Variants in DOCK4 observed in about 807,000 individuals in gnomAD.
The protein encoded by DOCK4 is dedicator of cytokinesis protein 4.
In DOCK4, 97 loss-of-function variants were observed where a neutral mutation model predicts 268.1. The observed-to-expected ratio is 0.36, with a 90% confidence interval of 0.31 to 0.43. DOCK4 has a LOEUF of 0.43. DOCK4 is among the 20% of genes least tolerant of loss of function. The pLI, the probability that DOCK4 is intolerant of heterozygous loss-of-function variation, is 1.00. For synonymous variants in DOCK4, 954 were observed against 887.2 expected (o/e 1.08, Z -1.34); for missense variants, 2,145 against 2,455.7 (o/e 0.87, Z 2.67).
At chr7:111,977,424 C>T in intron 7 of DOCK4, 141 bp from the exon 8 acceptor site, 1 of 848,354 alleles carries the variant, frequency 1.2e-6, no homozygotes. Flanking sequence ...TATCTAAATC[C>T]ACAGCAAAAT....
In DOCK4 at chr7:112,063,654, G is replaced by A. The variant is rs556747616; in HGVS notation, c.38-59523C>T. 2.1e-4 allele frequency among the ~76,000 whole-genome samples: 32 copies of A among 152,204 alleles called. 1 individual carries two copies. Among genetic ancestry groups the A allele is most frequent in the Admixed American group, 1.8e-3 (28 of 15,290 alleles). On this transcript the variant is annotated intron_variant, in intron 1 of 52. Coordinates refer to ENST00000428084, the MANE Select transcript of DOCK4 (RefSeq NM_001363540.2). Reference sequence around the variant, plus strand: ...CATAAAGTCGAAAAATTGTTAAGTCGGGACTCTGTACAATCATAAGAAAAA... The same window carrying A: ...CATAAAGTCGAAAAATTGTTAAGTCAGGACTCTGTACAATCATAAGAAAAA...
intron 47 of DOCK4, chr7:111,740,107 C>CT (rs1795800010): frequency 2.3e-6 from 1 of 442,324 alleles, no homozygotes; most frequent in Non-Finnish European, 4.5e-6. Flanking sequence ...GTCTTTTTTT[C>CT]TTTTTTCTTT....
At chr7:111,931,838 G>C (rs755972456) in intron 12 of DOCK4, among the ~76,000 whole-genome samples, 3 of 152,144 alleles carry the variant, frequency 2.0e-5, no homozygotes, top group Admixed American at 6.5e-5. Context: ...TGTGGTAAGT[G>C]CTTTGCATAC....
chr7:112,134,417 C>T (rs1814115513), intron 1 of DOCK4, among the ~76,000 whole-genome samples: 1 of 151,820 alleles, frequency 6.6e-6, no homozygotes, highest in African/African-American at 2.4e-5. Flanking sequence ...CTTTAAATAA[C>T]TCTAAAAGTG....
chr7:111,954,763 C>A (rs1796327270), intron 8 of DOCK4, among the ~76,000 whole-genome samples: 1 of 152,124 alleles, frequency 6.6e-6, no homozygotes, highest in South Asian at 2.1e-4. Context: ...AGGCCTCGGC[C>A]TGTCTGCACC....
chr7:112,006,262 T>G (rs1380694279), intron 1 of DOCK4, among the ~76,000 whole-genome samples: 1 of 152,076 alleles, frequency 6.6e-6, no homozygotes, highest in African/African-American at 2.4e-5. Context: ...TGTGGCTGGG[T>G]GTAAATAATC....
chr7:112,170,912 A>G (rs1818032793), intron 1 of DOCK4, among the ~76,000 whole-genome samples: 1 of 152,216 alleles, frequency 6.6e-6, no homozygotes. Context: ...TCCCAGTCAG[A>G]CCTTATAACC....
At chr7:111,811,841 C>T (rs1801158400) in intron 28 of DOCK4, 33 bp downstream of exon 28, 8 of 1,262,642 alleles carry the variant, frequency 6.3e-6, no homozygotes, top group Non-Finnish European at 8.9e-6. Flanking sequence ...TTCTTTTAGC[C>T]CAAGCAGGAG....
rs567474314 is a variant in DOCK4 at position 112,034,787 on chromosome 7, G to A, written c.38-30656C>T. Among the ~76,000 whole-genome samples, 9 of 152,092 alleles carry A rather than the reference G, an allele frequency of 5.9e-5. No individual in the cohort carries two copies. The East Asian group carries it at 1.4e-3, about 23-fold the overall frequency. ...TGTGGTGGCGTGCACCTGTAATCCCGGCTACTCAGGAGGCTGAGGCAGGAG... is the reference window on the plus strand; with the variant it reads ...TGTGGTGGCGTGCACCTGTAATCCCAGCTACTCAGGAGGCTGAGGCAGGAG... On this transcript the variant is annotated intron_variant, in intron 1 of 52. Transcript: ENST00000428084.
At chr7:112,184,794 C>G (rs75197648) in intron 1 of DOCK4, among the ~76,000 whole-genome samples, 3 of 152,062 alleles carry the variant, frequency 2.0e-5, no homozygotes, top group Non-Finnish European at 4.4e-5. Flanking sequence ...CAATCCCCCC[C>G]CCTTAGAGCT....
At chr7:112,182,128 C>T (rs1378490542) in intron 1 of DOCK4, among the ~76,000 whole-genome samples, 1 of 152,142 alleles carries the variant, frequency 6.6e-6, no homozygotes, top group Non-Finnish European at 1.5e-5. Context: ...GATCCTTATT[C>T]CTCAGTTTCT....
chr7:111,765,307 A>G, intron 38 of DOCK4, 85 bp from the exon 39 acceptor site: 1 of 814,612 alleles, frequency 1.2e-6, no homozygotes, highest in Non-Finnish European at 1.9e-6. Context: ...TTTTTTACAT[A>G]AAGGAGAACT....
At position 111,977,433 on chromosome 7, in the gene DOCK4, A is replaced by G. The variant is rs987572154; in HGVS notation, c.550-150T>C. 8 of 773,702 alleles carry G rather than the reference A, an allele frequency of 1.0e-5. No individual in the cohort carries two copies. In the African/African-American group the frequency reaches 1.4e-4, roughly 14 times the overall value. 47.9% of individuals were successfully genotyped at this position (773,702 alleles called of 1,614,324 possible). A position where few individuals can be genotyped will look rare whatever the true frequency, so the allele number is the denominator to read the frequency against. ...ATTTGGTATCTAAATCCACAGCAAA[A>G]TATACATTCTATGTCTTTCAGACTG... On this transcript the variant is annotated intron_variant, in intron 7 of 52. Transcript: ENST00000428084.
At chr7:112,206,040 G>A (rs2116922169) in intron 1 of DOCK4, 62 bp downstream of exon 1, 14 of 1,531,374 alleles carry the variant, frequency 9.1e-6, no homozygotes, top group Non-Finnish European at 9.7e-6. Flanking sequence ...CGGGGGCAAG[G>A]ACGAGAAATG....
chr7:112,206,048 A>AT, intron 1 of DOCK4, 54 bp downstream of exon 1: 1 of 1,547,234 alleles, frequency 6.5e-7, no homozygotes, highest in South Asian at 1.2e-5. Flanking sequence ...AGGACGAGAA[A>AT]TGCGCACTCG....
chr7:112,040,848 A>C (rs1310013314), intron 1 of DOCK4, among the ~76,000 whole-genome samples: 1 of 152,214 alleles, frequency 6.6e-6, no homozygotes, highest in Non-Finnish European at 1.5e-5. Context: ...TGTGCATTAA[A>C]TTTGTGCATA....
intron 1 of DOCK4, among the ~76,000 whole-genome samples, chr7:112,048,477 C>T (rs1014079533): frequency 1.3e-5 from 2 of 149,720 alleles, no homozygotes; most frequent in Non-Finnish European, 3.0e-5. Context: ...ACAGGAGAAT[C>T]GCTTGACCCC....
At chr7:111,807,632 C>G (rs772836962) in intron 30 of DOCK4, 2 of 152,058 alleles carry the variant, frequency 1.3e-5, no homozygotes, top group Admixed American at 1.3e-4. Context: ...CCCCCCACCA[C>G]GCCTGGCTAA....
At chr7:111,863,315 C>T (rs779741367) in intron 23 of DOCK4, 57 bp downstream of exon 23, 2 of 1,599,534 alleles carry the variant, frequency 1.3e-6, no homozygotes, top group East Asian at 4.5e-5. Flanking sequence ...CCAATGGCTA[C>T]AAAATATACA....
Sources: allele counts gnomAD v4.1 joint callset (sites outside exome capture counted in the v4.1 genomes callset), GRCh38; gene constraint gnomAD v4.1.1; transcripts MANE v1.5; gene names NCBI Gene and HGNC (gene_info 2026-07-23, HGNC 2026-07-21).